Variants in GAN observed in about 807,000 individuals in gnomAD.
The protein encoded by GAN is epididymis secretory sperm binding protein.
Under a neutral mutation model 71.3 loss-of-function variants are expected in GAN, and 48 were observed. The ratio of observed to expected loss-of-function variants is 0.67; its 90% CI spans 0.53 to 0.86. The LOEUF (loss-of-function observed/expected upper bound fraction) is 0.86. Among genes scored for constraint, GAN ranks in the 40% least tolerant of loss-of-function variants. The pLI, the probability that GAN is intolerant of heterozygous loss-of-function variation, is 0.00. For missense variants in GAN, 928 were observed against 770.1 expected (o/e 1.21, Z -2.43); for synonymous variants, 386 against 276.8 (o/e 1.39, Z -3.92).
intron 9 of GAN, among the ~76,000 whole-genome samples, chr16:81,368,198 C>G (rs1044486946): frequency 6.6e-6 from 1 of 152,206 alleles, no homozygotes. Context: ...TATTACCAAG[C>G]CAGAGCAACA....
At chr16:81,368,148 C>A (rs1442560298) in intron 9 of GAN, among the ~76,000 whole-genome samples, 1 of 152,144 alleles carries the variant, frequency 6.6e-6, no homozygotes, top group Non-Finnish European at 1.5e-5. Flanking sequence ...TGAATAAAAG[C>A]AAAACTGCTT....
chr16:81,375,973 CAAA>C (rs55948304), intron 9 of GAN, among the ~76,000 whole-genome samples: 57 of 106,514 alleles, frequency 5.4e-4, no homozygotes, highest in African/African-American at 1.4e-3. Flanking sequence ...GACCCTGTCT[CAAA>C]AAAAAAAAAA....
At chr16:81,326,183 G>A (rs1909379804) in intron 1 of GAN, among the ~76,000 whole-genome samples, 1 of 152,070 alleles carries the variant, frequency 6.6e-6, no homozygotes, top group Admixed American at 6.6e-5. Context: ...TTTGTCCAGG[G>A]CCAGGGGCAC....
intron 1 of GAN, among the ~76,000 whole-genome samples, chr16:81,332,251 C>G (rs1339545742): frequency 6.6e-6 from 1 of 152,084 alleles, no homozygotes; most frequent in Non-Finnish European, 1.5e-5. Flanking sequence ...GTGGGTAAAC[C>G]AGTCAGAGAC....
chr16:81,368,480 G>A (rs370361110), intron 9 of GAN, among the ~76,000 whole-genome samples: 1 of 152,140 alleles, frequency 6.6e-6, no homozygotes, highest in Non-Finnish European at 1.5e-5. Context: ...GGTAGTCCAC[G>A]CCTGTGGTCC....
At chr16:81,371,609 G>A (rs1039281708) in intron 9 of GAN, among the ~76,000 whole-genome samples, 1 of 152,140 alleles carries the variant, frequency 6.6e-6, no homozygotes, top group Non-Finnish European at 1.5e-5. Context: ...ATGAGTGGAT[G>A]CGCACAAATT....
chr16:81,328,306 C>G (rs1042874209), intron 1 of GAN, among the ~76,000 whole-genome samples: 3 of 152,118 alleles, frequency 2.0e-5, no homozygotes, highest in African/African-American at 7.2e-5. Flanking sequence ...TACAGTTCGT[C>G]TTTTTACTTG....
intron 1 of GAN, among the ~76,000 whole-genome samples, chr16:81,345,535 A>C (rs1910090388): frequency 6.6e-6 from 1 of 152,176 alleles, no homozygotes; most frequent in Admixed American, 6.5e-5. Context: ...TCATAAGTGG[A>C]AGTTGAACAA....
rs533301314 is a variant in GAN at position 81,362,355 on chromosome 16, A to G, written c.974-144A>G. The G allele has an allele frequency of 1.4e-4, 96 of 694,414 alleles. No individual in the cohort carries two copies. In the African/African-American group the frequency reaches 1.5e-3, roughly 11 times the overall value. The allele number at this position is 694,414 out of a possible 1,614,324, so 43.0% of individuals were successfully genotyped here. ...GTTTGGCTCCATCACCAAGGATCCA[A>G]TGGGATGTGATAAAAGCCCTGAATC... On this transcript the variant is annotated intron_variant, in intron 5 of 10. Coordinates refer to ENST00000648994, the MANE Select transcript of GAN (RefSeq NM_022041.4).
intron 1 of GAN, among the ~76,000 whole-genome samples, chr16:81,342,670 G>A (rs1909984561): frequency 6.6e-6 from 1 of 152,156 alleles, no homozygotes; most frequent in South Asian, 2.1e-4. Context: ...ATGCCCACAA[G>A]AGAAAGCAGG....
intron 9 of GAN, among the ~76,000 whole-genome samples, chr16:81,374,725 C>G (rs1361234686): frequency 1.3e-5 from 2 of 152,188 alleles, no homozygotes; most frequent in Non-Finnish European, 2.9e-5. Flanking sequence ...TAAGCACTTC[C>G]TATCTGGCAC....
intron 9 of GAN, among the ~76,000 whole-genome samples, chr16:81,376,494 TG>T (rs1904280483): frequency 3.4e-5 from 5 of 147,926 alleles, no homozygotes; most frequent in Non-Finnish European, 5.9e-5. Context: ...TGTGTGTGTG[TG>T]TGTGTGTGTG....
intron 1 of GAN, among the ~76,000 whole-genome samples, chr16:81,345,892 T>G (rs1286330949): frequency 6.6e-6 from 1 of 152,228 alleles, no homozygotes; most frequent in African/African-American, 2.4e-5. Context: ...CCTCAGATCA[T>G]CAGACATTAG....
intron 4 of GAN, 51 bp from the exon 5 acceptor site, chr16:81,357,759 A>G (rs1445056733): frequency 6.4e-7 from 1 of 1,563,968 alleles, no homozygotes; most frequent in African/African-American, 1.4e-5. Context: ...CTACTTATAA[A>G]AAGAACTGTA....
chr16:81,356,653 G>A (rs1461843593), intron 3 of GAN, 132 bp from the exon 4 acceptor site: 2 of 765,174 alleles, frequency 2.6e-6, no homozygotes, highest in East Asian at 4.9e-5. Context: ...AGCAGCACGA[G>A]TGTGTCTCAC....
intron 1 of GAN, among the ~76,000 whole-genome samples, chr16:81,318,825 G>A (rs1214287181): frequency 6.6e-6 from 1 of 152,176 alleles, no homozygotes; most frequent in Non-Finnish European, 1.5e-5. Flanking sequence ...GGCATCCCCG[G>A]GTTATGTAGA....
intron 9 of GAN, among the ~76,000 whole-genome samples, chr16:81,373,424 C>G (rs1464824113): frequency 1.3e-5 from 2 of 152,190 alleles, no homozygotes; most frequent in Non-Finnish European, 2.9e-5. Flanking sequence ...TAGATTTACT[C>G]TTTAAGAAAA....
At chr16:81,365,748 A>C (rs1844762081) in intron 9 of GAN, among the ~76,000 whole-genome samples, 1 of 151,702 alleles carries the variant, frequency 6.6e-6, no homozygotes, top group Non-Finnish European at 1.5e-5. Flanking sequence ...TTTTAGGAAA[A>C]AGTTTAAAAC....
chr16:81,330,426 C>T (rs1312394212), intron 1 of GAN, among the ~76,000 whole-genome samples: 1 of 152,124 alleles, frequency 6.6e-6, no homozygotes, highest in Non-Finnish European at 1.5e-5. Context: ...AGGCCAATAC[C>T]TCAGCAATGT....
Sources: allele counts gnomAD v4.1 joint callset (sites outside exome capture counted in the v4.1 genomes callset), GRCh38; gene constraint gnomAD v4.1.1; transcripts MANE v1.5; gene names NCBI Gene and HGNC (gene_info 2026-07-23, HGNC 2026-07-21).